Variants in UBE4A observed in about 807,000 individuals in gnomAD.
The protein encoded by UBE4A is ubiquitin conjugation factor E4 A.
Under a neutral mutation model 117.9 loss-of-function variants are expected in UBE4A, and 48 were observed. That is an observed-to-expected ratio of 0.41 (90% CI 0.32 to 0.52). The LOEUF (loss-of-function observed/expected upper bound fraction) is 0.52, where lower values mean the gene tolerates loss of function less well. Among genes scored for constraint, UBE4A ranks in the 20% least tolerant of loss-of-function variants. The pLI is 0.33. For synonymous variants in UBE4A, 407 were observed against 450.0 expected, an observed-to-expected ratio of 0.90 and a Z score of 1.21; for missense variants, 1,067 against 1,296.3, an observed-to-expected ratio of 0.82 and a Z score of 2.72.
In UBE4A at chr11:118,376,319, A is replaced by G. The variant is rs1251884260; in HGVS notation, c.1451-255A>G. On this transcript the variant is annotated intron_variant, in intron 9 of 19. Transcript: ENST00000252108. Reference sequence around the variant, plus strand: ...AAATTCAGAAAAGCACAAAATAAATACAAATGATCTATTGCCTATCACTTG... The same window carrying G: ...AAATTCAGAAAAGCACAAAATAAATGCAAATGATCTATTGCCTATCACTTG... Among the ~76,000 whole-genome samples, 4 of 152,234 alleles carry G rather than the reference A, an allele frequency of 2.6e-5. No individual in the cohort carries two copies. In the East Asian group the frequency reaches 5.8e-4, roughly 22 times the overall value.
intron 16 of UBE4A, among the ~76,000 whole-genome samples, chr11:118,389,110 A>G (rs1012280820): frequency 1.3e-5 from 2 of 152,242 alleles, no homozygotes; most frequent in African/African-American, 4.8e-5. Flanking sequence ...TGGGCAATAT[A>G]GTGAGACCCC....
Position 118,368,736 on chromosome 11 carries a change from A to G in UBE4A, c.227A>G (p.Gln76Arg), listed in dbSNP as rs749758249. 7 of 1,614,242 alleles carry G rather than the reference A, an allele frequency of 4.3e-6. No homozygotes were observed. The South Asian group carries it at 6.6e-5, about 15-fold the overall frequency. Residue 76 changes from glutamine (Q) to arginine (R), a missense_variant, in exon 3 of 20, where the codon CAG becomes CGG. By Grantham distance (43) the Gln-to-Arg change is conservative. This residue lies in a region of UBE4A where 1,001 missense variants were observed against 1,184.0 expected (regional missense o/e 0.85). Transcript: ENST00000252108. Reference protein sequence around the residue: ...AEISRSFRSQQEICEQLNINH... With the variant: ...AEISRSFRSQREICEQLNINH... ...ATTAGCCGCTCATTCCGATCACAGC[A>G]GGAAATATGTGAGCAACTCAACATC...
At position 118,371,616 on chromosome 11, in the gene UBE4A, A is replaced by G. The variant is rs772825821; in HGVS notation, c.511A>G (p.Arg171Gly). 1.2e-6 allele frequency: 2 copies of G among 1,613,822 alleles called. No homozygotes were observed. Among genetic ancestry groups the G allele is most frequent in the South Asian group, 2.2e-5 (2 of 91,074 alleles). Residue 171 changes from arginine (R) to glycine (G), a missense_variant, in exon 5 of 20, where the codon AGG becomes GGG. This residue lies in a region of UBE4A where 1,001 missense variants were observed against 1,184.0 expected (regional missense o/e 0.85). Coordinates refer to ENST00000252108, the MANE Select transcript of UBE4A (RefSeq NM_001204077.2). ...CTCTGCTGATCGAGATGCAGGAGAG[A>G]GGCACATTTTTTGTTACCTTTACTC... is the stretch of plus-strand genomic sequence containing the variant. ...NLSADRDAGE[R>G]HIFCYLYSCF...
Position 118,364,774 on chromosome 11 carries a change from G to A in UBE4A, c.-41-266G>A, listed in dbSNP as rs114663718. 4.8e-3 allele frequency among the ~76,000 whole-genome samples: 725 copies of A among 152,158 alleles called. 3 individuals carry two copies. The highest frequency in any genetic ancestry group is 0.017 in the African/African-American group (691 of 41,522). ...TTTCTTAAAGGTATTGCAAATAAAA[G>A]TATATCAACAGATTAATGCATTCCA... On this transcript the variant is annotated intron_variant, in intron 1 of 19. Transcript: ENST00000252108.
intron 16 of UBE4A, among the ~76,000 whole-genome samples, chr11:118,388,093 A>G (rs1948775858): frequency 6.6e-6 from 1 of 152,220 alleles, no homozygotes; most frequent in Non-Finnish European, 1.5e-5. Flanking sequence ...AAAAGGAACT[A>G]TATACTCATT....
intron 11 of UBE4A, among the ~76,000 whole-genome samples, chr11:118,380,116 AGTGT>A (rs56027138): frequency 0.18 from 25,124 of 142,632 alleles, 2,644 homozygotes; most frequent in East Asian, 0.52. Context: ...GAAGGGAAAG[AGTGT>A]GTGTGTGTGT....
chr11:118,395,328 T>C (rs1341347960), intron 19 of UBE4A, among the ~76,000 whole-genome samples: 1 of 144,676 alleles, frequency 6.9e-6, no homozygotes, highest in African/African-American at 2.5e-5. Context: ...AGACTCCATC[T>C]CAGAAAAAAA....
intron 1 of UBE4A, among the ~76,000 whole-genome samples, chr11:118,361,177 G>A (rs1049894267): frequency 2.0e-5 from 3 of 151,754 alleles, no homozygotes; most frequent in African/African-American, 4.8e-5. Flanking sequence ...AAGGTGTGGT[G>A]GTATGCGCCT....
At chr11:118,380,642 A>C (rs1349789106) in intron 11 of UBE4A, among the ~76,000 whole-genome samples, 3 of 152,162 alleles carry the variant, frequency 2.0e-5, no homozygotes, top group Non-Finnish European at 2.9e-5. Flanking sequence ...ACTCACCTGC[A>C]TTGTTCTGAC....
At position 118,384,655 on chromosome 11, in the gene UBE4A, C is replaced by G; in HGVS notation, c.2218C>G (p.Gln740Glu). The G allele has an allele frequency of 6.2e-7, 1 of 1,614,044 alleles. No homozygotes were observed. The change falls in exon 14 of 20, where the codon CAG becomes GAG. Residue 740 changes from glutamine (Q) to glutamate (E), a missense_variant. Coordinates refer to ENST00000252108, the MANE Select transcript of UBE4A (RefSeq NM_001204077.2). ...TCCAGGAGACCCCCATCAATTTGAA[C>G]AGAAGTTTAATTACCGCCGTCCCAT... ...EFTGDPHQFE[Q>E]KFNYRRPMYP...
chr11:118,365,852 C>A (rs569389445), intron 2 of UBE4A, among the ~76,000 whole-genome samples: 1 of 152,022 alleles, frequency 6.6e-6, no homozygotes, highest in Non-Finnish European at 1.5e-5. Context: ...TTTCAGGCAC[C>A]GAATTTAAGA....
chr11:118,396,468 A>G lies in UBE4A; in HGVS notation c.*28A>G, dbSNP rs1555129760. The G allele has an allele frequency of 6.2e-7, 1 of 1,603,796 alleles. No homozygotes were observed. The highest frequency in any genetic ancestry group is 1.1e-5 in the South Asian group (1 of 89,512). ...ACTGTGAACTAACCAAACCAAAACC[A>G]ACCCCAGAGTGCAGATAAACAATTG... is the stretch of plus-strand genomic sequence containing the variant. On this transcript the variant is annotated 3_prime_UTR_variant, in exon 20 of 20. Coordinates refer to ENST00000252108, the MANE Select transcript of UBE4A (RefSeq NM_001204077.2).
chr11:118,381,252 A>T, intron 11 of UBE4A, 139 bp from the exon 12 acceptor site: 2 of 1,004,142 alleles, frequency 2.0e-6, no homozygotes, highest in Non-Finnish European at 2.9e-6. Context: ...TTATTGACTT[A>T]ACGACCATCT....
intron 8 of UBE4A, 37 bp downstream of exon 8, chr11:118,373,722 C>A (rs764510243): frequency 1.3e-6 from 2 of 1,578,496 alleles, no homozygotes; most frequent in East Asian, 2.2e-5. Context: ...GCCCCCTGAT[C>A]TTAAAAGAGT....
At chr11:118,360,682 CTT>C (rs1447593459) in intron 1 of UBE4A, among the ~76,000 whole-genome samples, 3 of 152,150 alleles carry the variant, frequency 2.0e-5, no homozygotes, top group Non-Finnish European at 4.4e-5. Flanking sequence ...TGTTAACACA[CTT>C]GTGTGTTCAT....
chr11:118,371,723 T>C (rs898416076), intron 5 of UBE4A, 57 bp downstream of exon 5: 2 of 1,538,256 alleles, frequency 1.3e-6, no homozygotes, highest in African/African-American at 2.7e-5. Context: ...GACTTCAGCA[T>C]GTGGGCCAGA....
At chr11:118,368,538 TATC>T in intron 2 of UBE4A, 90 bp from the exon 3 acceptor site, 4 of 1,367,682 alleles carry the variant, frequency 2.9e-6, no homozygotes, top group African/African-American at 1.4e-5. Flanking sequence ...CATCTGAAAT[TATC>T]ATCTTCTTGG....
intron 4 of UBE4A, 90 bp from the exon 5 acceptor site, chr11:118,371,424 A>G: frequency 1.4e-6 from 2 of 1,431,990 alleles, no homozygotes; most frequent in South Asian, 1.4e-5. Context: ...GATTCTTGCT[A>G]ATAACCTGTG....
At chr11:118,376,056 G>C (rs1274625757) in intron 9 of UBE4A, among the ~76,000 whole-genome samples, 3 of 152,162 alleles carry the variant, frequency 2.0e-5, no homozygotes, top group Non-Finnish European at 2.9e-5. Context: ...ACTAAGGAAT[G>C]GTGAGAGGCT....
Sources: gnomAD v4.1 joint callset for allele counts (sites outside exome capture counted in the v4.1 genomes callset) on GRCh38, gnomAD v4.1.1 for gene constraint, gnomAD v4.1.1 regional missense constraint, MANE v1.5 for transcripts, NCBI Gene and HGNC (gene_info 2026-07-23, HGNC 2026-07-21) for gene names.